PLA2R1: variants seen among roughly 807,000 people sequenced by gnomAD.
The protein encoded by PLA2R1 is phospholipase A2 receptor 1, also known as secretory phospholipase A2 receptor.
In PLA2R1, 158 loss-of-function variants were observed where a neutral mutation model predicts 195.9. The observed-to-expected ratio is 0.81, with a 90% CI of 0.71 to 0.92. The LOEUF is 0.92. Ranked by LOEUF, PLA2R1 falls within the 40% of genes least tolerant of loss-of-function variation. PLA2R1 has a pLI of 0.00. For synonymous variants in PLA2R1, 586 were observed against 598.2 expected (o/e 0.98, Z 0.30); for missense variants, 1,626 against 1,764.6 (o/e 0.92, Z 1.41).
At chr2:160,011,280 T>C (rs1214835727) in intron 10 of PLA2R1, among the ~76,000 whole-genome samples, 2 of 152,224 alleles carry the variant, frequency 1.3e-5, no homozygotes, top group Non-Finnish European at 2.9e-5. Context: ...TTATCTGTAA[T>C]GTCACTGTGA....
intron 11 of PLA2R1, among the ~76,000 whole-genome samples, chr2:159,991,445 T>TA (rs1160840915): frequency 2.2e-4 from 33 of 151,122 alleles, no homozygotes; most frequent in Non-Finnish European, 3.4e-4. Flanking sequence ...CTTTCTTTTT[T>TA]TTTTTTTTTT....
chr2:159,950,340 A>T (rs1687657011), intron 24 of PLA2R1, among the ~76,000 whole-genome samples: 1 of 152,202 alleles, frequency 6.6e-6, no homozygotes, highest in East Asian at 1.9e-4. Flanking sequence ...AGACATTATC[A>T]CATACTGTTG....
At chr2:160,009,798 G>A (rs777361863) in intron 10 of PLA2R1, among the ~76,000 whole-genome samples, 9 of 152,178 alleles carry the variant, frequency 5.9e-5, no homozygotes, top group Non-Finnish European at 1.2e-4. Context: ...CTGTAAAAAT[G>A]CTTTAAAATA....
intron 22 of PLA2R1, 64 bp from the exon 23 acceptor site, chr2:159,955,410 TTTA>T: frequency 3.9e-6 from 4 of 1,030,732 alleles, no homozygotes; most frequent in Non-Finnish European, 4.2e-6. Flanking sequence ...CATTAAAATT[TTTA>T]TTAAGACATT....
At position 160,062,452 on chromosome 2, in the gene PLA2R1, T is replaced by C; in HGVS notation, c.-49A>G. 1 of 1,497,780 alleles carries C rather than the reference T, an allele frequency of 6.7e-7. No individual in the cohort carries two copies. The highest frequency in any genetic ancestry group is 8.9e-7 in the Non-Finnish European group (1 of 1,125,188). 92.8% of individuals were successfully genotyped at this position (1,497,780 alleles called of 1,614,324 possible). A position where few individuals can be genotyped will look rare whatever the true frequency, so the allele number is the denominator to read the frequency against. On this transcript the variant is annotated 5_prime_UTR_variant, in exon 1 of 30. Transcript: ENST00000283243. ...AGCCCCTTGTCCCGGGAGCCCCTTA[T>C]CCCGGGAGCCCAGAGCCGCGTCCCA...
intron 4 of PLA2R1, among the ~76,000 whole-genome samples, chr2:160,031,304 GT>G (rs1467841374): frequency 6.6e-6 from 1 of 152,126 alleles, no homozygotes; most frequent in Non-Finnish European, 1.5e-5. Flanking sequence ...AAAACAAATA[GT>G]TTTATCAATA....
chr2:159,966,103 A>C (rs1197832830), intron 20 of PLA2R1, among the ~76,000 whole-genome samples: 1 of 152,208 alleles, frequency 6.6e-6, no homozygotes, highest in African/African-American at 2.4e-5. Context: ...TGATATAAGA[A>C]ATAAACATAC....
chr2:160,001,807 T>C (rs183534991), intron 11 of PLA2R1, among the ~76,000 whole-genome samples: 1 of 151,926 alleles, frequency 6.6e-6, no homozygotes, highest in African/African-American at 2.4e-5. Flanking sequence ...GCCTAAAAAG[T>C]ATGTAATACA....
intron 28 of PLA2R1, among the ~76,000 whole-genome samples, chr2:159,944,181 T>C (rs1033323160): frequency 9.9e-5 from 15 of 152,184 alleles, no homozygotes; most frequent in African/African-American, 3.6e-4. Flanking sequence ...ACATTCTTAG[T>C]TGCTGCCTTT....
chr2:160,062,169 C>G (rs955863300), intron 1 of PLA2R1, 126 bp downstream of exon 1: 2 of 656,678 alleles, frequency 3.0e-6, no homozygotes, highest in South Asian at 4.1e-5. Context: ...ACACACGAAC[C>G]CCTACAAACG....
intron 1 of PLA2R1, among the ~76,000 whole-genome samples, chr2:160,051,426 C>A (rs935582269): frequency 6.6e-6 from 1 of 152,240 alleles, no homozygotes; most frequent in African/African-American, 2.4e-5. Context: ...TTGACTCTGT[C>A]CATTTCCTTG....
Position 160,022,796 on chromosome 2 carries a change from T to C in PLA2R1, c.1163A>G (p.Asn388Ser). Reference sequence around the variant, plus strand: ...TTCTTCTTTCTGAAGTTTGTAGCAATTACGATTGTAGGGATTCCAGCCAGG... The same window carrying C: ...TTCTTCTTTCTGAAGTTTGTAGCAACTACGATTGTAGGGATTCCAGCCAGG... Reference protein sequence around the residue: ...CEPGWNPYNRNCYKLQKEEKT... With the variant: ...CEPGWNPYNRSCYKLQKEEKT... The change falls in exon 7 of 30, where the codon AAT becomes AGT. Residue 388 changes from asparagine (N) to serine (S), a missense_variant. By Grantham distance (46) the Asn-to-Ser change is conservative (BLOSUM62 1). Transcript: ENST00000283243. 2 of 1,613,826 alleles carry C rather than the reference T, an allele frequency of 1.2e-6. No homozygotes were observed. The highest frequency in any genetic ancestry group is 1.7e-6 in the Non-Finnish European group (2 of 1,179,718).
intron 20 of PLA2R1, among the ~76,000 whole-genome samples, chr2:159,962,731 G>A (rs1688530955): frequency 6.6e-6 from 1 of 152,190 alleles, no homozygotes; most frequent in Admixed American, 6.5e-5. Flanking sequence ...CATGTCCTTT[G>A]CAGGGACATG....
intron 9 of PLA2R1, among the ~76,000 whole-genome samples, chr2:160,014,019 G>A (rs1481483622): frequency 6.6e-6 from 1 of 152,000 alleles, no homozygotes; most frequent in Non-Finnish European, 1.5e-5. Flanking sequence ...GAGAATATAT[G>A]TATCTAGATA....
chr2:159,942,296 A>T (rs1006520698), intron 28 of PLA2R1, 137 bp from the exon 29 acceptor site: 1 of 653,738 alleles, frequency 1.5e-6, no homozygotes, highest in African/African-American at 1.8e-5. Flanking sequence ...ACTTAGCCAC[A>T]CTCATTCATT....
intron 20 of PLA2R1, among the ~76,000 whole-genome samples, chr2:159,958,151 T>C (rs771475739): frequency 2.0e-5 from 3 of 152,152 alleles, no homozygotes; most frequent in Admixed American, 6.6e-5. Context: ...GATTGGATCA[T>C]GGGGCAGATC....
At chr2:159,975,755 T>G (rs1389678647) in intron 17 of PLA2R1, among the ~76,000 whole-genome samples, 1 of 152,048 alleles carries the variant, frequency 6.6e-6, no homozygotes, top group Non-Finnish European at 1.5e-5. Context: ...AAAACCCCAG[T>G]TCTACCAGTG....
Position 160,005,755 on chromosome 2 carries a change from C to T in PLA2R1, c.1731G>A (p.Trp577Ter). ...SVVKMKDSYF[W>*]IALQDQNDTG... is the part of the protein sequence containing the mutation. ...TATCATTTTGGTCCTGAAGAGCTAT[C>T]CAAAAATAACTGTCCTTCATTTTTA... The change falls in exon 11 of 30, where the codon TGG becomes TGA. Residue 577 changes from tryptophan (W) to a stop codon, truncating the protein, a stop_gained. Coordinates refer to ENST00000283243, the MANE Select transcript of PLA2R1 (RefSeq NM_007366.5). LOFTEE classifies it high-confidence loss of function. 6.2e-7 allele frequency: 1 copy of T among 1,612,470 alleles called. No homozygotes were observed. Among genetic ancestry groups the T allele is most frequent in the Non-Finnish European group, 8.5e-7 (1 of 1,178,598 alleles).
intron 11 of PLA2R1, among the ~76,000 whole-genome samples, chr2:159,991,439 C>CTTTTT (rs34466452): frequency 2.9e-5 from 4 of 136,006 alleles, no homozygotes; most frequent in Non-Finnish European, 6.4e-5. Flanking sequence ...CACTTTCTTT[C>CTTTTT]TTTTTTTTTT....
Sources: gnomAD v4.1 joint callset for allele counts (sites outside exome capture counted in the v4.1 genomes callset) on GRCh38, gnomAD v4.1.1 for gene constraint, MANE v1.5 for transcripts, NCBI Gene and HGNC (gene_info 2026-07-23, HGNC 2026-07-21) for gene names.